The following MYPN variants were observed in gnomAD, a reference collection of about 807,000 sequenced individuals.
MYPN encodes myopalladin.
A neutral mutation model predicts 129.4 loss-of-function variants in MYPN; 63 were observed. The observed-to-expected ratio is 0.49, with a 90% CI of 0.40 to 0.60. The LOEUF (loss-of-function observed/expected upper bound fraction) is 0.60, where lower values mean the gene tolerates loss of function less well. Ranked by LOEUF, MYPN falls within the 20% of genes least tolerant of loss-of-function variation. The pLI, the probability that MYPN is intolerant of heterozygous loss-of-function variation, is 0.00. For synonymous variants in MYPN, 629 were observed against 600.9 expected (o/e 1.05, Z -0.68); for missense variants, 1,596 against 1,635.4 (o/e 0.98, Z 0.42).
At chr10:68,196,483 C>CTTTCTTTT (rs2043607674) in intron 15 of MYPN, among the ~76,000 whole-genome samples, 1 of 112,518 alleles carries the variant, frequency 8.9e-6, no homozygotes, top group Non-Finnish European at 1.8e-5. Flanking sequence ...CCTTCTTCTT[C>CTTTCTTTT]TTTTTTTTTT....
chr10:68,165,941 G>A, intron 9 of MYPN, 123 bp downstream of exon 9: 1 of 914,032 alleles, frequency 1.1e-6, no homozygotes. Context: ...AAAAAGATTT[G>A]AATTATTGAG....
chr10:68,164,180 A>C (rs2043020829), intron 8 of MYPN, among the ~76,000 whole-genome samples: 1 of 152,206 alleles, frequency 6.6e-6, no homozygotes, highest in African/African-American at 2.4e-5. Flanking sequence ...TATTTCTTAC[A>C]GTTCTGGAGG....
intron 12 of MYPN, among the ~76,000 whole-genome samples, chr10:68,182,546 G>A (rs574096458): frequency 4.6e-4 from 67 of 144,516 alleles, no homozygotes; most frequent in South Asian, 8.7e-4. Context: ...TTACTTTGTC[G>A]CCCAGGCTGG....
rs372375235 is a variant in MYPN, at chr10:68,188,943, T to C, written c.2742T>C (p.Asn914=). 40 of 1,614,010 alleles carry C rather than the reference T, an allele frequency of 2.5e-5. No individual in the cohort carries two copies. In the African/African-American group the frequency reaches 4.3e-4, roughly 17 times the overall value. ...KISSFEQRLM[N]EIEFRLERTP... is the part of the protein sequence containing the mutation. ...CAAGCTTTGAGCAGAGGCTGATGAA[T>C]GAAATAGAGTTTCGCTTGGAACGTA... Residue 914 remains asparagine, a synonymous_variant, in exon 13 of 20, where the codon AAT becomes AAC. Transcript: ENST00000358913.
intron 12 of MYPN, among the ~76,000 whole-genome samples, chr10:68,187,964 A>G (rs961499345): frequency 6.6e-6 from 1 of 152,220 alleles, no homozygotes; most frequent in Non-Finnish European, 1.5e-5. Context: ...AAAAGAACAC[A>G]AGACTAATTG....
Position 68,122,163 on chromosome 10 carries a change from C to T in MYPN, c.725C>T (p.Ala242Val), listed in dbSNP as rs1232532993. The part of the protein sequence containing the change: ...EAKRREAEQA[A>V]SEAAGGDTTP... ...AAGAGGCGTGAAGCGGAGCAGGCTG[C>T]CAGTGAGGCGGCTGGTGGAGACACT... The change falls in exon 2 of 20, where the codon GCC becomes GTC. Residue 242 changes from alanine (A) to valine (V), a missense_variant. By Grantham distance (64) the Ala-to-Val change is moderately conservative. Coordinates refer to ENST00000358913, the MANE Select transcript of MYPN (RefSeq NM_032578.4). 9.9e-6 allele frequency: 16 copies of T among 1,611,424 alleles called. No homozygotes were observed. Among genetic ancestry groups the T allele is most frequent in the African/African-American group, 6.7e-5 (5 of 74,796 alleles).
At chr10:68,109,358 A>G, upstream of MYPN, 1 of 339,676 alleles carries the variant, frequency 2.9e-6, no homozygotes, top group Non-Finnish European at 5.8e-6. Flanking sequence ...AGGTAAAAGA[A>G]CTGATTGACC....
chr10:68,181,680 G>T (rs1201755207), intron 12 of MYPN, among the ~76,000 whole-genome samples: 1 of 152,118 alleles, frequency 6.6e-6, no homozygotes, highest in East Asian at 1.9e-4. Context: ...GCCTACAGAT[G>T]CATGATGGGA....
At chr10:68,197,203 T>G in intron 15 of MYPN, 149 bp from the exon 16 acceptor site, 12 of 716,634 alleles carry the variant, frequency 1.7e-5, no homozygotes, top group East Asian at 3.1e-5. Flanking sequence ...CTCCACACCA[T>G]TATTTATTGT....
intron 2 of MYPN, among the ~76,000 whole-genome samples, chr10:68,127,288 A>G (rs2042340222): frequency 7.1e-6 from 1 of 140,824 alleles, no homozygotes; most frequent in African/African-American, 2.6e-5. Flanking sequence ...TATAGGCGTG[A>G]GCTACCATGC....
At chr10:68,141,780 T>G (rs2042582624) in intron 2 of MYPN, among the ~76,000 whole-genome samples, 1 of 152,150 alleles carries the variant, frequency 6.6e-6, no homozygotes, top group African/African-American at 2.4e-5. Context: ...ATATCTATGG[T>G]GGGGCGACAT....
Position 68,211,766 on chromosome 10 carries a change from C to T in MYPN, c.*1311C>T. 4.4e-6 allele frequency: 2 copies of T among 454,078 alleles called. No homozygotes were observed. Among genetic ancestry groups the T allele is most frequent in the South Asian group, 1.6e-5 (1 of 64,468 alleles). The allele number at this position is 454,078 out of a possible 1,614,324, so 28.1% of individuals were successfully genotyped here. A position where few individuals can be genotyped will look rare whatever the true frequency, so the allele number is the denominator to read the frequency against. On this transcript the variant is annotated 3_prime_UTR_variant, in exon 20 of 20. Transcript: ENST00000358913. ...TTATATTCTGCAGGAATATGCCACC[C>T]ACACACCAGTCCAAACACTGCCCTG...
chr10:68,210,273 G>A lies in MYPN; in HGVS notation c.3794-13G>A, dbSNP rs1004183832. On this transcript the variant is annotated splice_polypyrimidine_tract_variant and intron_variant, in intron 19 of 19. Coordinates refer to ENST00000358913, the MANE Select transcript of MYPN (RefSeq NM_032578.4). ...TCCTTTGATCATAACACATTATTTG[G>A]TCCATTTTCCAGCTCAGTGGCACCA... 7 of 1,612,804 alleles carry A rather than the reference G, an allele frequency of 4.3e-6. No individual in the cohort carries two copies. Among genetic ancestry groups the A allele is most frequent in the African/African-American group, 2.7e-5 (2 of 74,996 alleles).
chr10:68,180,115 G>A (rs1273991870), intron 12 of MYPN, among the ~76,000 whole-genome samples: 2 of 152,136 alleles, frequency 1.3e-5, no homozygotes, highest in Admixed American at 1.3e-4. Context: ...CAGAGACAGG[G>A]TAGGCTATGA....
chr10:68,201,492 C>T (rs2043709727), intron 17 of MYPN, among the ~76,000 whole-genome samples: 1 of 152,122 alleles, frequency 6.6e-6, no homozygotes, highest in Non-Finnish European at 1.5e-5. Flanking sequence ...CTCCACCAGG[C>T]ACAGTGGCTT....
chr10:68,106,417 T>C (rs115003283), upstream of MYPN: 264 of 412,358 alleles, frequency 6.4e-4, 1 homozygote, highest in African/African-American at 5.1e-3. Flanking sequence ...ATAAGATCTT[T>C]TATAATCCAC....
At chr10:68,163,163 T>C (rs2043003806) in intron 8 of MYPN, among the ~76,000 whole-genome samples, 1 of 152,044 alleles carries the variant, frequency 6.6e-6, no homozygotes, top group Non-Finnish European at 1.5e-5. Flanking sequence ...GGCATAGTGG[T>C]GCATGTCTGT....
At chr10:68,168,762 C>T (rs1248107495) in intron 10 of MYPN, among the ~76,000 whole-genome samples, 4 of 152,018 alleles carry the variant, frequency 2.6e-5, no homozygotes, top group East Asian at 1.9e-4. Flanking sequence ...TAAGGGAATC[C>T]GCTGTTTGTC....
intron 12 of MYPN, among the ~76,000 whole-genome samples, chr10:68,186,759 C>G (rs562367413): frequency 6.6e-6 from 1 of 152,148 alleles, no homozygotes. Flanking sequence ...GATCCCTGCT[C>G]TAGCGGAGCT....
Sources: gnomAD v4.1 joint callset for allele counts (sites outside exome capture counted in the v4.1 genomes callset) on GRCh38, gnomAD v4.1.1 for gene constraint, MANE v1.5 for transcripts, NCBI Gene and HGNC (gene_info 2026-07-23, HGNC 2026-07-21) for gene names.